Variants in GLIS3 observed in about 807,000 individuals in gnomAD.
The protein encoded by GLIS3 is GLIS family zinc finger 3, also known as zinc finger protein GLIS3.
GLIS3 carries 53 observed loss-of-function variants against 78.6 expected under a neutral mutation model. The observed-to-expected ratio is 0.67, with a 90% CI of 0.54 to 0.85. GLIS3 has a LOEUF of 0.85. Among genes scored for constraint, GLIS3 ranks in the 40% least tolerant of loss-of-function variants. The probability of loss-of-function intolerance (pLI) is 0.00; values close to 1 mark genes in which losing one functional copy is unlikely to be tolerated. For missense variants in GLIS3, 1,703 were observed against 1,231.1 expected, an observed-to-expected ratio of 1.38 and a Z score of -5.74; for synonymous variants, 684 against 509.9, an observed-to-expected ratio of 1.34 and a Z score of -4.60.
rs77712650 is a variant in GLIS3 at position 3,925,218 on chromosome 9, G to C, written c.1983+7142C>G. Among the ~76,000 whole-genome samples, 1,265 of 152,218 alleles carry C rather than the reference G, an allele frequency of 8.3e-3. 16 individuals are homozygous for C. Among genetic ancestry groups the C allele is most frequent in the African/African-American group, 0.029 (1,199 of 41,528 alleles). On this transcript the variant is annotated intron_variant, in intron 6 of 10. Transcript: ENST00000381971. ...TTAACAATCTCTATCATTTGCAAAG[G>C]AACTCCCAAGTTCCATGTTCCAGAA...
chr9:4,108,666 C>A (rs540191598), intron 4 of GLIS3, among the ~76,000 whole-genome samples: 2 of 152,274 alleles, frequency 1.3e-5, no homozygotes, highest in South Asian at 4.1e-4. Context: ...AAAACACAAG[C>A]AACAGGCCCA....
intron 4 of GLIS3, among the ~76,000 whole-genome samples, chr9:4,063,117 G>A (rs1468006922): frequency 2.6e-5 from 4 of 152,000 alleles, no homozygotes; most frequent in Non-Finnish European, 5.9e-5. Context: ...AAAGAAAAAT[G>A]TACATCTGAG....
chr9:4,226,106 G>A (rs1223285714), intron 2 of GLIS3, among the ~76,000 whole-genome samples: 2 of 152,132 alleles, frequency 1.3e-5, no homozygotes, highest in Admixed American at 1.3e-4. Flanking sequence ...ACATACGCTG[G>A]TTTAAATTAC....
chr9:4,253,887 G>A (rs7866246), intron 2 of GLIS3, among the ~76,000 whole-genome samples: 8,197 of 152,164 alleles, frequency 0.054, 372 homozygotes, highest in Admixed American at 0.11. Flanking sequence ...TGCACTTCCC[G>A]GGTAAGGTGA....
chr9:4,120,620 G>A (rs537347598), intron 3 of GLIS3, among the ~76,000 whole-genome samples: 4 of 152,226 alleles, frequency 2.6e-5, no homozygotes, highest in African/African-American at 7.2e-5. Context: ...AATTGCTTTC[G>A]GACCCAAACT....
intron 2 of GLIS3, among the ~76,000 whole-genome samples, chr9:4,328,092 C>T (rs1011166782): frequency 2.6e-5 from 4 of 152,204 alleles, no homozygotes; most frequent in Non-Finnish European, 4.4e-5. Flanking sequence ...ATATGGTCTT[C>T]TGGTCACGTG....
chr9:4,109,172 A>G (rs1831012282), intron 4 of GLIS3, among the ~76,000 whole-genome samples: 1 of 151,622 alleles, frequency 6.6e-6, no homozygotes, highest in Non-Finnish European at 1.5e-5. Flanking sequence ...CTCAGCAGTG[A>G]AGGAAAAAAA....
chr9:4,310,204 G>C (rs1489466855), intron 3 of GLIS3, among the ~76,000 whole-genome samples: 1 of 152,190 alleles, frequency 6.6e-6, no homozygotes, highest in Non-Finnish European at 1.5e-5. Context: ...TTCACATCTA[G>C]CTATGGGCAA....
chr9:3,931,781 G>A (rs1015059882), intron 6 of GLIS3, among the ~76,000 whole-genome samples: 3 of 152,082 alleles, frequency 2.0e-5, no homozygotes, highest in African/African-American at 4.8e-5. Flanking sequence ...TTGAAAATGC[G>A]TTCACCCCTC....
chr9:3,862,048 G>A (rs535753850), intron 8 of GLIS3, among the ~76,000 whole-genome samples: 2 of 152,252 alleles, frequency 1.3e-5, no homozygotes, highest in African/African-American at 2.4e-5. Flanking sequence ...CTCATATCTT[G>A]GTGCTGGGTT....
intron 2 of GLIS3, among the ~76,000 whole-genome samples, chr9:4,282,648 C>T (rs1827661037): frequency 6.6e-6 from 1 of 152,156 alleles, no homozygotes; most frequent in African/African-American, 2.4e-5. Flanking sequence ...ACCATTGGCT[C>T]TCCTGGGTCT....
chr9:3,959,684 C>T (rs1319127635), intron 4 of GLIS3, among the ~76,000 whole-genome samples: 1 of 152,184 alleles, frequency 6.6e-6, no homozygotes, highest in Non-Finnish European at 1.5e-5. Context: ...CAACACTTCA[C>T]CTCTGACTCT....
At chr9:4,311,286 G>A (rs1817351816) in intron 2 of GLIS3, among the ~76,000 whole-genome samples, 1 of 152,186 alleles carries the variant, frequency 6.6e-6, no homozygotes, top group Non-Finnish European at 1.5e-5. Flanking sequence ...GCACATGCCT[G>A]TAATCCCAGC....
At chr9:4,129,501 AGT>A (rs1832809329) in intron 2 of GLIS3, among the ~76,000 whole-genome samples, 1 of 151,402 alleles carries the variant, frequency 6.6e-6, no homozygotes, top group Admixed American at 6.6e-5. Flanking sequence ...TTTCATGATA[AGT>A]GTTCTCATGT....
intron 2 of GLIS3, among the ~76,000 whole-genome samples, chr9:4,202,540 G>T (rs543475767): frequency 1.3e-5 from 2 of 152,182 alleles, no homozygotes; most frequent in Admixed American, 6.5e-5. Context: ...AACAAAGATG[G>T]AGGCATCACA....
chr9:4,320,918 A>C (rs1208027718), intron 2 of GLIS3, among the ~76,000 whole-genome samples: 2 of 152,034 alleles, frequency 1.3e-5, no homozygotes, highest in Non-Finnish European at 2.9e-5. Context: ...CAAGTTTTGA[A>C]AGTCTGTCTC....
At chr9:3,993,162 G>A (rs1161216584) in intron 4 of GLIS3, among the ~76,000 whole-genome samples, 3 of 152,146 alleles carry the variant, frequency 2.0e-5, no homozygotes, top group Non-Finnish European at 4.4e-5. Flanking sequence ...ACAGTGTCAT[G>A]AACTGGCCTG....
chr9:4,297,352 G>C (rs1237893116), intron 1 of GLIS3, among the ~76,000 whole-genome samples: 2 of 152,146 alleles, frequency 1.3e-5, no homozygotes, highest in African/African-American at 2.4e-5. Flanking sequence ...TGAGGCCTTG[G>C]GCAAAACCTC....
chr9:4,061,458 T>C (rs1327179695), intron 4 of GLIS3, among the ~76,000 whole-genome samples: 3 of 152,238 alleles, frequency 2.0e-5, no homozygotes, highest in East Asian at 3.9e-4. Context: ...TAATCCAGTC[T>C]ATCATGGATG....
Sources: allele counts gnomAD v4.1 joint callset (sites outside exome capture counted in the v4.1 genomes callset), GRCh38; gene constraint gnomAD v4.1.1; transcripts MANE v1.5; gene names NCBI Gene and HGNC (gene_info 2026-07-23, HGNC 2026-07-21).